PRKN: variants seen among roughly 807,000 people sequenced by gnomAD.
The protein encoded by PRKN is E3 ubiquitin-protein ligase parkin.
PRKN carries 56 observed loss-of-function variants against 59.5 expected under a neutral mutation model. The observed-to-expected ratio is 0.94, with a 90% confidence interval of 0.76 to 1.18. The LOEUF is 1.18. Ranked by LOEUF, PRKN falls within the 50% of genes most tolerant of loss-of-function variation. The probability of loss-of-function intolerance (pLI) is 0.00; values close to 1 mark genes in which losing one functional copy is unlikely to be tolerated. For synonymous variants in PRKN, 250 were observed against 222.1 expected, an observed-to-expected ratio of 1.13 and a Z score of -1.12; for missense variants, 657 against 596.4, an observed-to-expected ratio of 1.10 and a Z score of -1.06.
At chr6:162,088,021 T>C (rs532472469) in intron 4 of PRKN, among the ~76,000 whole-genome samples, 5 of 152,170 alleles carry the variant, frequency 3.3e-5, no homozygotes, top group African/African-American at 7.2e-5. Flanking sequence ...TAGAAAGAGA[T>C]AGACAAATTA....
At chr6:162,655,123 A>G (rs1488772405) in intron 1 of PRKN, among the ~76,000 whole-genome samples, 2 of 152,150 alleles carry the variant, frequency 1.3e-5, no homozygotes. Context: ...ATAAAAATAT[A>G]CATAATTTAT....
Position 161,459,885 on chromosome 6 carries a change from G to A in PRKN, c.1084-73008C>T, listed in dbSNP as rs6934872. Among the ~76,000 whole-genome samples the A allele has an allele frequency of 1.9e-3, 283 of 152,116 alleles. No homozygotes were observed. The highest frequency in any genetic ancestry group is 6.7e-3 in the African/African-American group (276 of 41,474). ...AGCAGAAACTATTATATTGAAAGTT[G>A]GTTTCTTGGTGCTGCTTACATTATT... On this transcript the variant is annotated intron_variant, in intron 9 of 11. Coordinates refer to ENST00000366898, the MANE Select transcript of PRKN (RefSeq NM_004562.3). The surrounding 1 kb of genome is among the most constrained non-coding windows in gnomAD (Gnocchi z 4.8).
In PRKN at chr6:161,378,084, C is replaced by A. The variant is rs1309877225; in HGVS notation, c.1167+8710G>T. On this transcript the variant is annotated intron_variant, in intron 10 of 11. Transcript: ENST00000366898. The surrounding 1 kb of genome is among the most constrained non-coding windows in gnomAD (Gnocchi z 7.3). ...AACGTCTTGGCAGCCTCTTTAAGGGCAGGGACAGAGAAAATCTGGAAGACT... is the reference window on the plus strand; with the variant it reads ...AACGTCTTGGCAGCCTCTTTAAGGGAAGGGACAGAGAAAATCTGGAAGACT... Among the ~76,000 whole-genome samples, 2 of 152,162 alleles carry A rather than the reference C, an allele frequency of 1.3e-5. No individual in the cohort carries two copies. The highest frequency in any genetic ancestry group is 2.4e-5 in the African/African-American group (1 of 41,444).
intron 2 of PRKN, among the ~76,000 whole-genome samples, chr6:162,369,129 A>G (rs1247447160): frequency 2.0e-5 from 3 of 152,210 alleles, no homozygotes; most frequent in Non-Finnish European, 4.4e-5. Flanking sequence ...CCCATAATGA[A>G]GTTCCCTTAT....
chr6:162,660,490 A>C (rs1007991541), intron 1 of PRKN, among the ~76,000 whole-genome samples: 1 of 152,174 alleles, frequency 6.6e-6, no homozygotes, highest in Non-Finnish European at 1.5e-5. Flanking sequence ...AAAATAAAAA[A>C]CACACACTAT....
chr6:162,073,102 A>G (rs144771492), intron 4 of PRKN, among the ~76,000 whole-genome samples: 2 of 152,344 alleles, frequency 1.3e-5, no homozygotes, highest in Admixed American at 6.5e-5. Flanking sequence ...TGAGCTAATT[A>G]ATGTGAAAAC....
At chr6:162,667,086 T>C (rs1000375749) in intron 1 of PRKN, among the ~76,000 whole-genome samples, 2 of 152,120 alleles carry the variant, frequency 1.3e-5, no homozygotes, top group African/African-American at 2.4e-5. Flanking sequence ...ACATTCTTGA[T>C]AATACTACTA....
chr6:161,875,124 ATATAT>A (rs1210562738), intron 6 of PRKN, among the ~76,000 whole-genome samples: 2 of 134,636 alleles, frequency 1.5e-5, no homozygotes, highest in African/African-American at 5.8e-5. Context: ...TATATAAAGT[ATATAT>A]TATATATAAT....
At chr6:162,029,070 A>C (rs1206093194) in intron 5 of PRKN, among the ~76,000 whole-genome samples, 1 of 152,154 alleles carries the variant, frequency 6.6e-6, no homozygotes, top group African/African-American at 2.4e-5. Flanking sequence ...TTTGTGCCCA[A>C]ATACAATCAG....
At chr6:162,179,196 T>A (rs1201900707) in intron 4 of PRKN, among the ~76,000 whole-genome samples, 1 of 152,214 alleles carries the variant, frequency 6.6e-6, no homozygotes, top group Non-Finnish European at 1.5e-5. Context: ...CAGTCGTAAT[T>A]GCATTTTGAA....
chr6:161,951,073 A>T (rs751489891), intron 6 of PRKN, among the ~76,000 whole-genome samples: 46 of 145,184 alleles, frequency 3.2e-4, no homozygotes, highest in Non-Finnish European at 6.2e-4. Context: ...GTCTAAAAAA[A>T]GTTTTGGGGC....
chr6:162,475,642 C>T (rs917750278), intron 1 of PRKN, among the ~76,000 whole-genome samples: 3 of 152,194 alleles, frequency 2.0e-5, no homozygotes, highest in Non-Finnish European at 2.9e-5. Context: ...TCAAGAGACA[C>T]AAGCACAGGG....
rs1444143454 is a variant in PRKN, at chr6:162,201,128, T to C, written c.534+3A>G. 5 of 1,614,026 alleles carry C rather than the reference T, an allele frequency of 3.1e-6. No individual in the cohort carries two copies. In the African/African-American group the frequency reaches 6.7e-5, roughly 22 times the overall value. On this transcript the variant is annotated splice_donor_region_variant and intron_variant, in intron 4 of 11. Coordinates refer to ENST00000366898, the MANE Select transcript of PRKN (RefSeq NM_004562.3). ...GTCTCATGCTGACACTGCATTTCCT[T>C]ACCTGGGTCAAGGTGAGCGTTGCCT...
At chr6:161,741,040 T>C (rs1401315495) in intron 7 of PRKN, among the ~76,000 whole-genome samples, 1 of 152,240 alleles carries the variant, frequency 6.6e-6, no homozygotes. Flanking sequence ...AGGGCCAGAA[T>C]TAACCCAAAG....
intron 6 of PRKN, among the ~76,000 whole-genome samples, chr6:161,816,645 C>T (rs1282093500): frequency 6.6e-6 from 1 of 151,770 alleles, no homozygotes; most frequent in Non-Finnish European, 1.5e-5. Context: ...AGAATGTGTT[C>T]ACACCCCAGG....
intron 9 of PRKN, among the ~76,000 whole-genome samples, chr6:161,493,415 G>A (rs984750897): frequency 2.0e-5 from 3 of 152,154 alleles, no homozygotes; most frequent in Non-Finnish European, 2.9e-5. Context: ...TCTAATAAGT[G>A]CCAGGGCTGA....
At chr6:162,540,185 G>A (rs1319776869) in intron 1 of PRKN, among the ~76,000 whole-genome samples, 1 of 151,946 alleles carries the variant, frequency 6.6e-6, no homozygotes, top group Non-Finnish European at 1.5e-5. Context: ...CAAAGTGCTG[G>A]GATTACAGGC....
rs376594033 is a variant in PRKN at position 162,633,247 on chromosome 6, G to A, written c.7+94415C>T. 9.3e-5 allele frequency among the ~76,000 whole-genome samples: 14 copies of A among 151,216 alleles called. 1 individual carries two copies. The highest frequency in any genetic ancestry group is 5.9e-4 in the East Asian group (3 of 5,108). ...TAAGGAGTTCGAGACCAGCCTGGCC[G>A]ACGTGGTGAAACCCCATCTCTACTA... On this transcript the variant is annotated intron_variant, in intron 1 of 11. Coordinates refer to ENST00000366898, the MANE Select transcript of PRKN (RefSeq NM_004562.3).
At position 162,003,952 on chromosome 6, in the gene PRKN, C is replaced by T. The variant is rs138006072; in HGVS notation, c.619-30535G>A. 1.7e-4 allele frequency among the ~76,000 whole-genome samples: 26 copies of T among 152,238 alleles called. No individual in the cohort carries two copies. In the East Asian group the frequency reaches 3.5e-3, roughly 20 times the overall value. On this transcript the variant is annotated intron_variant, in intron 5 of 11. Coordinates refer to ENST00000366898, the MANE Select transcript of PRKN (RefSeq NM_004562.3). ...TTGTCTTTTTATCTTGCAACTTCAA[C>T]GTATTCTCACTGCAGCAACTTGTTT...
Sources: allele counts gnomAD v4.1 joint callset (sites outside exome capture counted in the v4.1 genomes callset), GRCh38; gene constraint gnomAD v4.1.1; non-coding constraint Gnocchi (gnomAD v3.1); transcripts MANE v1.5; gene names NCBI Gene and HGNC (gene_info 2026-07-23, HGNC 2026-07-21).